The following CCDC136 variants were observed in gnomAD, a reference collection of about 807,000 sequenced individuals.
CCDC136 encodes coiled-coil domain containing 136, also known as coiled-coil domain-containing protein 136.
A neutral mutation model predicts 141.2 loss-of-function variants in CCDC136; 100 were observed. The observed-to-expected ratio is 0.71, with a 90% confidence interval of 0.60 to 0.84. CCDC136 has a LOEUF of 0.84. CCDC136 is among the 40% of genes least tolerant of loss of function. CCDC136 has a pLI of 0.00. For missense variants in CCDC136, 1,206 were observed against 1,379.4 expected (o/e 0.87, Z 1.99); for synonymous variants, 474 against 531.9 (o/e 0.89, Z 1.50).
Position 128,791,997 on chromosome 7 carries a change from G to T in CCDC136, c.-415G>T, listed in dbSNP as rs1802243764. The stretch of plus-strand genomic sequence containing the variant: ...ATCTGTAGGCCACCTCAGCCTTTCA[G>T]CCTCTTCTTCACTGGCTCCCGCCCT... On this transcript the variant is annotated 5_prime_UTR_variant, in exon 1 of 18. Transcript: ENST00000297788. The surrounding 1 kb of genome is among the most constrained non-coding windows in gnomAD (Gnocchi z 7.1). The T allele has an allele frequency of 8.5e-7, 1 of 1,178,342 alleles. No homozygotes were observed. Among genetic ancestry groups the T allele is most frequent in the Non-Finnish European group, 1.1e-6 (1 of 951,436 alleles). The allele number at this position is 1,178,342 out of a possible 1,614,324, so 73.0% of individuals were successfully genotyped here.
chr7:128,812,213 T>C lies in CCDC136; in HGVS notation c.2442T>C (p.Tyr814=). ...YCTTSNSSIT[Y]KKSYGSTSSS... Reference sequence around the variant, plus strand: ...CTACCAGCAACAGCAGCATTACCTATAAGAAGAGTTACGGCAGCACCAGTA... The same window carrying C: ...CTACCAGCAACAGCAGCATTACCTACAAGAAGAGTTACGGCAGCACCAGTA... Residue 814 remains tyrosine, a synonymous_variant, in exon 13 of 18, where the codon TAT becomes TAC. Coordinates refer to ENST00000297788, the MANE Select transcript of CCDC136 (RefSeq NM_022742.5). The C allele has an allele frequency of 6.2e-7, 1 of 1,613,930 alleles. No homozygotes were observed. The highest frequency in any genetic ancestry group is 1.1e-5 in the South Asian group (1 of 91,078).
At chr7:128,801,701 T>A (rs1033047230) in intron 4 of CCDC136, among the ~76,000 whole-genome samples, 192 bp downstream of exon 4, 1 of 152,140 alleles carries the variant, frequency 6.6e-6, no homozygotes, top group Non-Finnish European at 1.5e-5. Flanking sequence ...GAGGCCAAGA[T>A]GGGAGGATCA....
chr7:128,802,669 T>C (rs1193612226), intron 4 of CCDC136, among the ~76,000 whole-genome samples: 1 of 152,208 alleles, frequency 6.6e-6, no homozygotes, highest in Non-Finnish European at 1.5e-5. Context: ...TGGAGTTTAG[T>C]TAATAGTAAT....
At chr7:128,813,407 C>T (rs369830430) in intron 14 of CCDC136, among the ~76,000 whole-genome samples, 20 of 152,108 alleles carry the variant, frequency 1.3e-4, no homozygotes, top group South Asian at 2.1e-4. Context: ...CAGGGGTTCA[C>T]GGTCCAGTGG....
chr7:128,815,052 G>A (rs777018721), intron 15 of CCDC136, 133 bp downstream of exon 15: 27 of 777,622 alleles, frequency 3.5e-5, no homozygotes, highest in African/African-American at 7.0e-5. Flanking sequence ...AGTGTCTACA[G>A]TGGTTCCCAT....
At chr7:128,797,777 T>G (rs1393200653) in intron 3 of CCDC136, among the ~76,000 whole-genome samples, 1 of 152,110 alleles carries the variant, frequency 6.6e-6, no homozygotes, top group Non-Finnish European at 1.5e-5. Flanking sequence ...AGGTAGGAAA[T>G]GCTAGATCAT....
chr7:128,805,873 G>A lies in CCDC136; in HGVS notation c.1061G>A (p.Arg354Gln), dbSNP rs371534652. The A allele has an allele frequency of 3.7e-5, 59 of 1,613,890 alleles. No homozygotes were observed. Among genetic ancestry groups the A allele is most frequent in the African/African-American group, 1.7e-4 (13 of 75,020 alleles). Residue 354 changes from arginine (R) to glutamine (Q), a missense_variant, in exon 7 of 18, where the codon CGG becomes CAG. Coordinates refer to ENST00000297788, the MANE Select transcript of CCDC136 (RefSeq NM_022742.5). This position sits in a 1 kb window ranked among gnomAD's most constrained non-coding sequence, Gnocchi z 4.6. ...ELKCAQNEVL[R>Q]FQTSHSVTQN... is the part of the protein sequence containing the mutation. ...AAGTGTGCTCAGAATGAGGTGCTTC[G>A]GTTTCAGACCTCCCACAGTGTCACC...
At chr7:128,791,566 T>C, upstream of CCDC136, 1 of 1,249,158 alleles carries the variant, frequency 8.0e-7, no homozygotes, top group Non-Finnish European at 1.0e-6. This position sits in a 1 kb window ranked among gnomAD's most constrained non-coding sequence, Gnocchi z 7.1. Context: ...GAGCCGCCCC[T>C]CCGTCACCTG....
At chr7:128,790,936 G>C (rs938220435), upstream of CCDC136, 1 of 152,358 alleles carries the variant, frequency 6.6e-6, no homozygotes, top group African/African-American at 2.4e-5. This position sits in a 1 kb window ranked among gnomAD's most constrained non-coding sequence, Gnocchi z 5.4. Flanking sequence ...ACCGGGCAGG[G>C]GTGGGCAGGG....
chr7:128,791,716 C>G (rs1457192617), upstream of CCDC136: 2 of 460,358 alleles, frequency 4.3e-6, no homozygotes, highest in Non-Finnish European at 7.1e-6. This position sits in a 1 kb window ranked among gnomAD's most constrained non-coding sequence, Gnocchi z 7.1. Context: ...CTCCATCCTT[C>G]CGGCCTGGGA....
intron 4 of CCDC136, 134 bp from the exon 5 acceptor site, chr7:128,804,516 C>A: frequency 1.6e-6 from 1 of 630,706 alleles, no homozygotes; most frequent in Non-Finnish European, 2.8e-6. Flanking sequence ...TAAGCCTCTA[C>A]CTTTTTTCTG....
Position 128,805,774 on chromosome 7 carries a change from G to GTT in CCDC136, c.963_964dup (p.Cys322PhefsTer47), listed in dbSNP as rs1562917814. ...TTTCCCACATAGTGTCAGGAATTGT[G>GTT]TTGTGAGTTGGAAGAGCTACAGCAT... is the stretch of plus-strand genomic sequence containing the variant. On this transcript the variant is annotated frameshift_variant, in exon 7 of 18. Transcript: ENST00000297788. LOFTEE classifies it high-confidence loss of function. This position sits in a 1 kb window ranked among gnomAD's most constrained non-coding sequence, Gnocchi z 4.6. The GTT allele has an allele frequency of 6.2e-7, 1 of 1,612,398 alleles. No homozygotes were observed. The highest frequency in any genetic ancestry group is 1.7e-4 in the Middle Eastern group (1 of 6,058).
Position 128,801,198 on chromosome 7 carries a change from C to T in CCDC136, c.359C>T (p.Ser120Phe). Reference protein sequence around the residue: ...QIQQLQGELRSLREEISLLEH... With the variant: ...QIQQLQGELRFLREEISLLEH... ...TTGGACTTTGCAGGTGAGCTGCGTT[C>T]TCTACGGGAGGAGATTTCCCTGTTA... is the stretch of plus-strand genomic sequence containing the variant. The change falls in exon 4 of 18, where the codon TCT becomes TTT. Residue 120 changes from serine to phenylalanine, a missense_variant. Transcript: ENST00000297788. 1 of 1,612,064 alleles carries T rather than the reference C, an allele frequency of 6.2e-7. No individual in the cohort carries two copies.
In CCDC136 at chr7:128,809,557, G is replaced by A. The variant is rs747387642; in HGVS notation, c.1713G>A (p.Gln571=). Residue 571 remains glutamine (Q), a synonymous_variant, in exon 11 of 18, where the codon CAG becomes CAA. Transcript: ENST00000297788. Reference sequence around the variant, plus strand: ...AGCAGTGTGAGCTCCTGGAGGATCAGAGGAGGATGCAGGAGGAGCAGGGCC... The same window carrying A: ...AGCAGTGTGAGCTCCTGGAGGATCAAAGGAGGATGCAGGAGGAGCAGGGCC... ...QMEQCELLED[Q]RRMQEEQGQL... 19 of 1,566,602 alleles carry A rather than the reference G, an allele frequency of 1.2e-5. No homozygotes were observed. The highest frequency in any genetic ancestry group is 1.6e-5 in the Non-Finnish European group (19 of 1,156,306).
intron 4 of CCDC136, among the ~76,000 whole-genome samples, chr7:128,804,129 A>G (rs902855257): frequency 6.6e-6 from 1 of 152,204 alleles, no homozygotes; most frequent in African/African-American, 2.4e-5. Flanking sequence ...ATTCTTTACC[A>G]CATCCAGACC....
upstream of CCDC136, among the ~76,000 whole-genome samples, chr7:128,791,217 C>A (rs1170502958): frequency 6.6e-6 from 1 of 152,154 alleles, no homozygotes; most frequent in Non-Finnish European, 1.5e-5. This position sits in a 1 kb window ranked among gnomAD's most constrained non-coding sequence, Gnocchi z 7.1. Flanking sequence ...TGACGCTGTC[C>A]GGGCCCCGCG....
chr7:128,814,882 G>T lies in CCDC136; in HGVS notation c.3008G>T (p.Cys1003Phe). 6.2e-7 allele frequency: 1 copy of T among 1,605,306 alleles called. No individual in the cohort carries two copies. The change falls in exon 15 of 18, where the codon TGC (cysteine) becomes TTC (phenylalanine). Residue 1003 changes from cysteine to phenylalanine, a missense_variant. Transcript: ENST00000297788. Reference sequence around the variant, plus strand: ...AAAATGAAAAAGGTGACCAAGCCATGCTCGGATACTTCTGAGAGCGACCTT... The same window carrying T: ...AAAATGAAAAAGGTGACCAAGCCATTCTCGGATACTTCTGAGAGCGACCTT... ...GVKMKKVTKP[C>F]SDTSESDLET...
At chr7:128,791,244 A>T (rs989102993), upstream of CCDC136, among the ~76,000 whole-genome samples, 2 of 151,022 alleles carry the variant, frequency 1.3e-5, no homozygotes, top group Non-Finnish European at 1.5e-5. This position sits in a 1 kb window ranked among gnomAD's most constrained non-coding sequence, Gnocchi z 7.1. Flanking sequence ...CGCGCTCTCT[A>T]GGGGAGAGCC....
At position 128,806,227 on chromosome 7, in the gene CCDC136, C is replaced by T. The variant is rs1246507758; in HGVS notation, c.1090-10C>T. 1 of 1,551,622 alleles carries T rather than the reference C, an allele frequency of 6.4e-7. No individual in the cohort carries two copies. The highest frequency in any genetic ancestry group is 1.2e-5 in the South Asian group (1 of 83,456). ...GAGTAACTGTTCTACTCACATCCTC[C>T]CTACCACAGAATGAGGAGCTGAAGT... On this transcript the variant is annotated splice_polypyrimidine_tract_variant and intron_variant, in intron 7 of 17. Transcript: ENST00000297788.
Sources: allele counts gnomAD v4.1 joint callset (sites outside exome capture counted in the v4.1 genomes callset), GRCh38; gene constraint gnomAD v4.1.1; non-coding constraint Gnocchi (gnomAD v3.1); transcripts MANE v1.5; gene names NCBI Gene and HGNC (gene_info 2026-07-23, HGNC 2026-07-21).